The following UFSP2 variants were observed in gnomAD, a reference collection of about 807,000 sequenced individuals.
UFSP2 encodes ufm1-specific protease 2.
In UFSP2, 43 loss-of-function variants were observed where a neutral mutation model predicts 60.2. The ratio of observed to expected loss-of-function variants is 0.71; its 90% CI spans 0.56 to 0.92. The LOEUF (loss-of-function observed/expected upper bound fraction) is 0.92, where lower values mean the gene tolerates loss of function less well. Among genes scored for constraint, UFSP2 ranks in the 40% least tolerant of loss-of-function variants. UFSP2 has a pLI of 0.00. For missense variants in UFSP2, 520 were observed against 575.0 expected (o/e 0.90, Z 0.98); for synonymous variants, 183 against 195.1 (o/e 0.94, Z 0.52).
At chr4:185,407,804 G>T in intron 9 of UFSP2, 132 bp downstream of exon 9, 2 of 962,952 alleles carry the variant, frequency 2.1e-6, no homozygotes, top group Non-Finnish European at 2.8e-6. Flanking sequence ...GATTTATAAA[G>T]CAATGAGTAA....
At chr4:185,418,171 TAAGTA>T (rs910999666) in intron 4 of UFSP2, among the ~76,000 whole-genome samples, 1 of 152,174 alleles carries the variant, frequency 6.6e-6, no homozygotes, top group African/African-American at 2.4e-5. Context: ...CGATTTAATT[TAAGTA>T]ATTTATAAAT....
chr4:185,411,011 GAAGA>G (rs889280278), intron 7 of UFSP2, among the ~76,000 whole-genome samples: 2 of 149,684 alleles, frequency 1.3e-5, no homozygotes, highest in Non-Finnish European at 3.0e-5. Flanking sequence ...TAAGAAGTTA[GAAGA>G]AAGACAATAA....
Position 185,399,878 on chromosome 4 carries a change from G to GT in UFSP2, c.*513dup, listed in dbSNP as rs1451212412. 6.5e-7 allele frequency: 1 copy of GT among 1,547,768 alleles called. No individual in the cohort carries two copies. The highest frequency in any genetic ancestry group is 8.7e-7 in the Non-Finnish European group (1 of 1,147,506). Reference sequence around the variant, plus strand: ...TGACACTCGTATTTCTAGTAGTATTGTTTCATTCTCATTAACATTTTAGTA... The same window carrying GT: ...TGACACTCGTATTTCTAGTAGTATTGTTTTCATTCTCATTAACATTTTAGTA... On this transcript the variant is annotated 3_prime_UTR_variant, in exon 12 of 12. Transcript: ENST00000264689.
At position 185,403,527 on chromosome 4, in the gene UFSP2, G is replaced by A. The variant is rs554498536; in HGVS notation, c.1290C>T (p.Thr430=). 1.2e-4 allele frequency: 190 copies of A among 1,613,946 alleles called. No homozygotes were observed. Among genetic ancestry groups the A allele is most frequent in the South Asian group, 9.2e-4 (84 of 91,052 alleles). ...IKFLILDPHY[T]GAEDLQVILE... is the part of the protein sequence containing the mutation. ...AAATAACTTGCAGGTCTTCAGCACCGGTATAATGTGGATCTAGAATCAGAA... is the reference window on the plus strand; with the variant it reads ...AAATAACTTGCAGGTCTTCAGCACCAGTATAATGTGGATCTAGAATCAGAA... Residue 430 remains threonine (T), a synonymous_variant, in exon 11 of 12, where the codon ACC becomes ACT. Coordinates refer to ENST00000264689, the MANE Select transcript of UFSP2 (RefSeq NM_018359.5).
At chr4:185,408,648 C>T (rs900040540) in intron 7 of UFSP2, among the ~76,000 whole-genome samples, 5 of 152,186 alleles carry the variant, frequency 3.3e-5, no homozygotes, top group Non-Finnish European at 7.4e-5. Context: ...GCAGGACCTA[C>T]CTTCTGGCCT....
Position 185,407,979 on chromosome 4 carries a change from G to A in UFSP2, c.1078C>T (p.Leu360=). The part of the protein sequence containing the change: ...WIGSIEVQLV[L]NQLIGITSKI... ...GACGTTATACCGATCAATTGGTTTA[G>A]TACCAGCTGCACCTCAATAGATCCA... is the stretch of plus-strand genomic sequence containing the variant. The change falls in exon 9 of 12, where the codon CTA becomes TTA. Residue 360 remains leucine (L), a synonymous_variant. Coordinates refer to ENST00000264689, the MANE Select transcript of UFSP2 (RefSeq NM_018359.5). 1 of 1,614,112 alleles carries A rather than the reference G, an allele frequency of 6.2e-7. No homozygotes were observed. The highest frequency in any genetic ancestry group is 1.3e-5 in the African/African-American group (1 of 75,032).
At chr4:185,414,234 A>C (rs781759803) in intron 6 of UFSP2, among the ~76,000 whole-genome samples, 6 of 152,244 alleles carry the variant, frequency 3.9e-5, no homozygotes, top group Non-Finnish European at 8.8e-5. Flanking sequence ...AATTATAATT[A>C]ACAATAATTA....
At chr4:185,400,678 T>C in intron 11 of UFSP2, 200 bp from the exon 12 acceptor site, 1 of 412,202 alleles carries the variant, frequency 2.4e-6, no homozygotes, top group Middle Eastern at 4.0e-4. Context: ...TTTAATTCTA[T>C]GTATGTAATT....
intron 11 of UFSP2, among the ~76,000 whole-genome samples, chr4:185,402,926 G>A (rs2095515029): frequency 6.6e-6 from 1 of 152,174 alleles, no homozygotes; most frequent in Non-Finnish European, 1.5e-5. Flanking sequence ...TTCTCCTAAA[G>A]ACTTGGTACT....
chr4:185,404,005 T>G (rs905731503), intron 10 of UFSP2, among the ~76,000 whole-genome samples: 7 of 150,064 alleles, frequency 4.7e-5, no homozygotes, highest in African/African-American at 1.2e-4. Context: ...ACTTTGCTTA[T>G]TAACTGATCT....
chr4:185,405,676 A>C, intron 10 of UFSP2, 104 bp downstream of exon 10: 2 of 1,348,496 alleles, frequency 1.5e-6, no homozygotes, highest in Non-Finnish European at 2.0e-6. Context: ...AGTTAATTTC[A>C]AAATTTTTTA....
intron 2 of UFSP2, among the ~76,000 whole-genome samples, chr4:185,422,172 C>G (rs1328593663): frequency 6.6e-6 from 1 of 152,196 alleles, no homozygotes; most frequent in Non-Finnish European, 1.5e-5. Flanking sequence ...GCAAGTCTGT[C>G]ATGTACAATT....
At chr4:185,407,718 C>T (rs1205863886) in intron 9 of UFSP2, among the ~76,000 whole-genome samples, 1 of 150,196 alleles carries the variant, frequency 6.7e-6, no homozygotes, top group South Asian at 2.1e-4. Context: ...TACAAGTATA[C>T]ATTACATCAC....
chr4:185,400,109 A>C lies in UFSP2; in HGVS notation c.*283T>G, dbSNP rs2095511516. On this transcript the variant is annotated 3_prime_UTR_variant, in exon 12 of 12. Coordinates refer to ENST00000264689, the MANE Select transcript of UFSP2 (RefSeq NM_018359.5). ...TTTGGCTTTACCATATGTTGTGTCT[A>C]ATCTCCTTCTGAGAAGGACGAAAAA... 4.1e-6 allele frequency: 5 copies of C among 1,234,278 alleles called. No homozygotes were observed. Among genetic ancestry groups the C allele is most frequent in the Non-Finnish European group, 5.8e-6 (5 of 868,186 alleles). 76.5% of individuals were successfully genotyped at this position (1,234,278 alleles called of 1,614,324 possible). A position where few individuals can be genotyped will look rare whatever the true frequency, so the allele number is the denominator to read the frequency against.
At chr4:185,401,772 T>C (rs946277765) in intron 11 of UFSP2, among the ~76,000 whole-genome samples, 1 of 152,172 alleles carries the variant, frequency 6.6e-6, no homozygotes, top group Admixed American at 6.5e-5. Context: ...AAGATGGAGA[T>C]TGCAATTCTC....
chr4:185,418,195 G>C (rs2095542651), intron 4 of UFSP2, among the ~76,000 whole-genome samples: 1 of 152,058 alleles, frequency 6.6e-6, no homozygotes, highest in Admixed American at 6.6e-5. Context: ...ATGTATTTAG[G>C]CTGTTTTATT....
At chr4:185,422,732 C>T (rs2095551716) in intron 1 of UFSP2, among the ~76,000 whole-genome samples, 169 bp from the exon 2 acceptor site, 1 of 152,070 alleles carries the variant, frequency 6.6e-6, no homozygotes, top group Non-Finnish European at 1.5e-5. Flanking sequence ...AAAAGCAACC[C>T]CAAAATTTTA....
chr4:185,423,933 A>C (rs1317864374), intron 1 of UFSP2, among the ~76,000 whole-genome samples: 1 of 152,192 alleles, frequency 6.6e-6, no homozygotes, highest in Non-Finnish European at 1.5e-5. Flanking sequence ...AAACAGGCTG[A>C]AGAACCATAG....
At chr4:185,404,924 G>A (rs180920968) in intron 10 of UFSP2, among the ~76,000 whole-genome samples, 1 of 151,872 alleles carries the variant, frequency 6.6e-6, no homozygotes, top group East Asian at 1.9e-4. Context: ...ACAATCAGGA[G>A]TCAGGCGTGA....
Sources: allele counts gnomAD v4.1 joint callset (sites outside exome capture counted in the v4.1 genomes callset), GRCh38; gene constraint gnomAD v4.1.1; transcripts MANE v1.5; gene names NCBI Gene and HGNC (gene_info 2026-07-23, HGNC 2026-07-21).